The following COL24A1 variants were observed in gnomAD, a reference collection of about 807,000 sequenced individuals.
The protein encoded by COL24A1 is collagen type XXIV alpha 1 chain.
A neutral mutation model predicts 253.9 loss-of-function variants in COL24A1; 224 were observed. That is an observed-to-expected ratio of 0.88 (90% CI 0.79 to 0.99). The LOEUF (loss-of-function observed/expected upper bound fraction) is 0.99. COL24A1 is among the 50% of genes least tolerant of loss of function. COL24A1 has a pLI of 0.00. For synonymous variants in COL24A1, 685 were observed against 673.7 expected (o/e 1.02, Z -0.26); for missense variants, 2,131 against 2,068.5 (o/e 1.03, Z -0.59).
chr1:85,763,683 T>G (rs1047862148), intron 53 of COL24A1, among the ~76,000 whole-genome samples: 7 of 151,638 alleles, frequency 4.6e-5, no homozygotes, highest in East Asian at 2.0e-4. Flanking sequence ...TTAGTAGACA[T>G]GGGGTTTCAT....
chr1:85,997,408 T>C (rs1304406485), intron 19 of COL24A1, among the ~76,000 whole-genome samples: 1 of 152,090 alleles, frequency 6.6e-6, no homozygotes, highest in Non-Finnish European at 1.5e-5. Context: ...CTCGTCCCCA[T>C]CCCAGTTTCC....
intron 28 of COL24A1, among the ~76,000 whole-genome samples, chr1:85,906,822 C>A (rs1684883575): frequency 6.6e-6 from 1 of 151,622 alleles, no homozygotes; most frequent in African/African-American, 2.4e-5. Flanking sequence ...CTTCTTATTG[C>A]TTTTATTTTG....
intron 31 of COL24A1, among the ~76,000 whole-genome samples, chr1:85,894,073 G>T (rs7512136): frequency 3.9e-5 from 6 of 152,020 alleles, no homozygotes; most frequent in Non-Finnish European, 7.4e-5. Flanking sequence ...GACTAAAAAC[G>T]CTAAGACTGT....
At chr1:85,945,004 T>A (rs1412559762) in intron 24 of COL24A1, among the ~76,000 whole-genome samples, 9 of 41,166 alleles carry the variant, frequency 2.2e-4, no homozygotes, top group Middle Eastern at 8.5e-3. Context: ...ATCATTGTGT[T>A]TTTTTTTTTT....
At chr1:85,756,931 C>T (rs921757144) in intron 55 of COL24A1, among the ~76,000 whole-genome samples, 9 of 152,158 alleles carry the variant, frequency 5.9e-5, no homozygotes, top group East Asian at 1.9e-4. Context: ...GAAGATATTA[C>T]GTTAAGTGAA....
At position 85,842,084 on chromosome 1, in the gene COL24A1, C is replaced by T; in HGVS notation, c.3554G>A (p.Gly1185Glu). The T allele has an allele frequency of 1.2e-6, 2 of 1,613,722 alleles. No homozygotes were observed. Among genetic ancestry groups the T allele is most frequent in the Admixed American group, 1.7e-5 (1 of 59,982 alleles). The stretch of plus-strand genomic sequence containing the variant: ...TACACAAACCTTTTCTCCTTTAGGT[C>T]CTGGCAATCCAGAGGGTCCTGGTTG... ...QGQPGPSGLPGPKGEKGYPGE... is the reference protein window; with the variant it reads ...QGQPGPSGLPEPKGEKGYPGE... The change falls in exon 41 of 60, where the codon GGA becomes GAA. Residue 1185 changes from glycine (G) to glutamate (E), a missense_variant. Gly to Glu is a moderately conservative substitution (Grantham distance 98). Transcript: ENST00000370571.
At chr1:85,758,443 C>A (rs535236624) in intron 55 of COL24A1, among the ~76,000 whole-genome samples, 1 of 152,194 alleles carries the variant, frequency 6.6e-6, no homozygotes, top group East Asian at 1.9e-4. Context: ...TCCCTTTATT[C>A]TACTAATCAT....
At chr1:85,875,521 C>G (rs994696415) in intron 33 of COL24A1, among the ~76,000 whole-genome samples, 191 bp from the exon 34 acceptor site, 1 of 152,136 alleles carries the variant, frequency 6.6e-6, no homozygotes, top group African/African-American at 2.4e-5. Flanking sequence ...ACAACTTCGT[C>G]TAAAATTAGG....
At position 85,842,224 on chromosome 1, in the gene COL24A1, C is replaced by T. The variant is rs1294062094; in HGVS notation, c.3517-103G>A. 4 of 1,355,622 alleles carry T rather than the reference C, an allele frequency of 3.0e-6. No individual in the cohort carries two copies. The African/African-American group carries it at 5.8e-5, about 20-fold the overall frequency. The allele number at this position is 1,355,622 out of a possible 1,614,324, so 84.0% of individuals were successfully genotyped here. A position where few individuals can be genotyped will look rare whatever the true frequency, so the allele number is the denominator to read the frequency against. ...GATTCACTGTCTAGGAGGATGAGAC[C>T]TAAATATGTTAGAAAGGTTTATCAG... On this transcript the variant is annotated intron_variant, in intron 40 of 59. Transcript: ENST00000370571.
At chr1:85,963,932 C>A (rs1191819596) in intron 23 of COL24A1, among the ~76,000 whole-genome samples, 1 of 152,056 alleles carries the variant, frequency 6.6e-6, no homozygotes, top group Non-Finnish European at 1.5e-5. Context: ...ATACTACAAT[C>A]CTATTTTTCA....
At chr1:86,123,679 A>C (rs1192350772) in intron 3 of COL24A1, among the ~76,000 whole-genome samples, 3 of 152,040 alleles carry the variant, frequency 2.0e-5, no homozygotes, top group African/African-American at 4.8e-5. Context: ...TATTTGCTTA[A>C]TATTATATGT....
chr1:85,756,038 TCTACAA>T (rs1666211715), intron 55 of COL24A1, among the ~76,000 whole-genome samples: 1 of 112,250 alleles, frequency 8.9e-6, no homozygotes, highest in Non-Finnish European at 1.8e-5. Flanking sequence ...TTAAAGAGCT[TCTACAA>T]CTTACTAACA....
At chr1:85,994,140 A>G (rs1694550183) in intron 19 of COL24A1, among the ~76,000 whole-genome samples, 1 of 151,976 alleles carries the variant, frequency 6.6e-6, no homozygotes, top group African/African-American at 2.4e-5. Context: ...TGAGTAGTTT[A>G]TAAGTCTGAA....
At chr1:86,108,250 AG>A (rs1705187682) in intron 5 of COL24A1, among the ~76,000 whole-genome samples, 1 of 152,178 alleles carries the variant, frequency 6.6e-6, no homozygotes, top group African/African-American at 2.4e-5. Context: ...TAATCAAATC[AG>A]GGTAATTGGG....
chr1:85,786,577 A>G (rs1229606165), intron 47 of COL24A1, 116 bp from the exon 48 acceptor site: 2 of 704,386 alleles, frequency 2.8e-6, no homozygotes, highest in Non-Finnish European at 2.2e-6. Flanking sequence ...CATACTGCCC[A>G]GGAGTTATCC....
intron 2 of COL24A1, among the ~76,000 whole-genome samples, chr1:86,133,378 C>G (rs1201812423): frequency 2.0e-5 from 3 of 152,164 alleles, no homozygotes; most frequent in Non-Finnish European, 2.9e-5. Flanking sequence ...GCCAGAACTT[C>G]CAACACTATG....
chr1:86,041,323 G>A (rs72958291), intron 12 of COL24A1, among the ~76,000 whole-genome samples: 2 of 151,976 alleles, frequency 1.3e-5, no homozygotes, highest in Admixed American at 1.3e-4. Context: ...ATCAGCATTC[G>A]GATAGCAGTT....
chr1:86,144,565 T>C (rs1572070324), intron 2 of COL24A1, among the ~76,000 whole-genome samples: 1 of 152,124 alleles, frequency 6.6e-6, no homozygotes, highest in East Asian at 1.9e-4. Flanking sequence ...ATGATTAGAA[T>C]AATATATGTA....
chr1:85,986,520 A>G (rs1434966429), intron 20 of COL24A1, among the ~76,000 whole-genome samples: 4 of 151,888 alleles, frequency 2.6e-5, no homozygotes, highest in African/African-American at 9.7e-5. Context: ...TATCAAAGCT[A>G]AGGGTATTAG....
Sources: gnomAD v4.1 joint callset for allele counts (sites outside exome capture counted in the v4.1 genomes callset) on GRCh38, gnomAD v4.1.1 for gene constraint, MANE v1.5 for transcripts, NCBI Gene and HGNC (gene_info 2026-07-23, HGNC 2026-07-21) for gene names.